Variants in COL19A1 observed in about 807,000 individuals in gnomAD.
The protein encoded by COL19A1 is collagen type XIX alpha 1 chain, also known as collagen alpha-1(XIX) chain.
COL19A1 carries 159 observed loss-of-function variants against 190.2 expected under a neutral mutation model. That is an observed-to-expected ratio of 0.84 (90% CI 0.73 to 0.95). The LOEUF (loss-of-function observed/expected upper bound fraction) is 0.95. Among genes scored for constraint, COL19A1 ranks in the 40% least tolerant of loss-of-function variants. The pLI is 0.00. For missense variants in COL19A1, 1,418 were observed against 1,431.9 expected (o/e 0.99, Z 0.16); for synonymous variants, 509 against 458.9 (o/e 1.11, Z -1.39).
At chr6:69,954,822 C>A (rs917251888) in intron 9 of COL19A1, among the ~76,000 whole-genome samples, 7 of 151,990 alleles carry the variant, frequency 4.6e-5, no homozygotes, top group African/African-American at 1.4e-4. Context: ...AGATAAGTAA[C>A]CAATGGCTTC....
intron 15 of COL19A1, among the ~76,000 whole-genome samples, chr6:70,095,681 CT>C (rs914212596): frequency 1.3e-5 from 2 of 151,998 alleles, no homozygotes; most frequent in African/African-American, 2.4e-5. Context: ...TAAACAACTC[CT>C]TTTTTTTCCT....
chr6:69,894,019 G>A (rs1412547295), intron 2 of COL19A1, among the ~76,000 whole-genome samples: 1 of 149,928 alleles, frequency 6.7e-6, no homozygotes, highest in Non-Finnish European at 1.5e-5. Flanking sequence ...TTTCTTAAAT[G>A]TATTTGATTG....
intron 4 of COL19A1, among the ~76,000 whole-genome samples, chr6:69,904,045 C>T (rs1378465137): frequency 1.3e-5 from 2 of 152,186 alleles, no homozygotes; most frequent in East Asian, 3.8e-4. Flanking sequence ...TGAGGGCTGC[C>T]ATAGCAGTAG....
At chr6:69,883,239 G>T (rs1175534704) in intron 2 of COL19A1, among the ~76,000 whole-genome samples, 2 of 152,212 alleles carry the variant, frequency 1.3e-5, no homozygotes, top group African/African-American at 2.4e-5. Flanking sequence ...ATGCTCCTGA[G>T]AAATGCATCT....
intron 4 of COL19A1, among the ~76,000 whole-genome samples, chr6:69,924,679 T>A (rs2150006580): frequency 6.6e-6 from 1 of 152,364 alleles, no homozygotes; most frequent in Non-Finnish European, 1.5e-5. Flanking sequence ...CCACAATGGT[T>A]GAACTAGTTC....
intron 15 of COL19A1, among the ~76,000 whole-genome samples, chr6:70,091,918 C>G (rs965365745): frequency 4.6e-5 from 7 of 152,046 alleles, no homozygotes; most frequent in African/African-American, 1.7e-4. Context: ...CTTCAGGTGA[C>G]ATTGGATGTT....
At chr6:69,888,148 C>A (rs898459644) in intron 2 of COL19A1, among the ~76,000 whole-genome samples, 1 of 152,134 alleles carries the variant, frequency 6.6e-6, no homozygotes, top group African/African-American at 2.4e-5. Context: ...GTCAGAGGTT[C>A]CAGTTGCATT....
At chr6:69,889,555 G>A (rs1281945371) in intron 2 of COL19A1, among the ~76,000 whole-genome samples, 2 of 152,176 alleles carry the variant, frequency 1.3e-5, no homozygotes, top group African/African-American at 4.8e-5. Flanking sequence ...TGCGCTCTAT[G>A]TCTAGCTAAA....
At chr6:70,125,912 A>G (rs1008737110) in intron 17 of COL19A1, among the ~76,000 whole-genome samples, 9 of 152,174 alleles carry the variant, frequency 5.9e-5, no homozygotes, top group African/African-American at 9.7e-5. Flanking sequence ...GGCTCTGTCA[A>G]CTACTGAAGC....
At chr6:70,194,034 C>A (rs1295084328) in intron 48 of COL19A1, among the ~76,000 whole-genome samples, 1 of 152,212 alleles carries the variant, frequency 6.6e-6, no homozygotes, top group African/African-American at 2.4e-5. Context: ...TAAGTAGCAC[C>A]CGTCTCCTTC....
rs200347735 is a variant in COL19A1, at chr6:70,068,424, G to T, written c.1172G>T (p.Gly391Val). 59 of 1,590,538 alleles carry T rather than the reference G, an allele frequency of 3.7e-5. No individual in the cohort carries two copies. Among genetic ancestry groups the T allele is most frequent in the Non-Finnish European group, 4.7e-5 (55 of 1,159,558 alleles). The change falls in exon 15 of 51, where the codon GGT becomes GTT. Residue 391 changes from glycine to valine, a missense_variant and splice_region_variant. Physicochemically the swap from Gly to Val is moderately radical, Grantham distance 109 (BLOSUM62 -3). Coordinates refer to ENST00000620364, the MANE Select transcript of COL19A1 (RefSeq NM_001858.6). ...ACATGTGTCTCTTTTTCCTCATAGG[G>T]TTCCCTGGGGATACAAGGCCCCCAA... is the stretch of plus-strand genomic sequence containing the variant. ...TGPPGPPALP[G>V]SLGIQGPQGP... is the part of the protein sequence containing the mutation.
intron 44 of COL19A1, 29 bp from the exon 45 acceptor site, chr6:70,184,674 A>C (rs1766393833): frequency 6.4e-7 from 1 of 1,555,406 alleles, no homozygotes. Flanking sequence ...ATGCAGAGTT[A>C]GAAATATTAA....
intron 9 of COL19A1, among the ~76,000 whole-genome samples, chr6:69,955,568 A>AGTGTGTGT (rs1582514913): frequency 2.5e-5 from 3 of 120,564 alleles, no homozygotes; most frequent in African/African-American, 1.0e-4. Context: ...TGTGTGTGTA[A>AGTGTGTGT]GAGAGAGAAA....
chr6:70,059,271 A>G (rs1367332410), intron 14 of COL19A1, among the ~76,000 whole-genome samples: 1 of 152,136 alleles, frequency 6.6e-6, no homozygotes, highest in Non-Finnish European at 1.5e-5. Flanking sequence ...AAGGGAGTGC[A>G]TGTAATACTT....
At chr6:69,927,810 T>C in intron 4 of COL19A1, 99 bp from the exon 5 acceptor site, 1 of 1,403,976 alleles carries the variant, frequency 7.1e-7, no homozygotes, top group East Asian at 2.4e-5. Context: ...CTGAGAAAAA[T>C]ATGACTGAGA....
chr6:70,133,407 G>A (rs1037128991), intron 18 of COL19A1, among the ~76,000 whole-genome samples: 3 of 152,116 alleles, frequency 2.0e-5, no homozygotes, highest in African/African-American at 7.2e-5. Context: ...GGAGAACCAC[G>A]ACTTGCAGTA....
chr6:70,071,809 C>T (rs12206771), intron 15 of COL19A1, among the ~76,000 whole-genome samples: 48,316 of 151,740 alleles, frequency 0.32, 9,747 homozygotes, highest in Non-Finnish European at 0.44. Flanking sequence ...AGAAAAAGGC[C>T]GTACAGAACC....
intron 6 of COL19A1, among the ~76,000 whole-genome samples, chr6:69,931,156 T>C (rs1772735990): frequency 6.6e-6 from 1 of 152,188 alleles, no homozygotes; most frequent in South Asian, 2.1e-4. Context: ...CTGTGTGTTA[T>C]TGAAAAAAAT....
intron 19 of COL19A1, among the ~76,000 whole-genome samples, chr6:70,139,175 C>T (rs758077038): frequency 7.2e-5 from 11 of 152,126 alleles, no homozygotes; most frequent in Non-Finnish European, 1.3e-4. Flanking sequence ...TTGAATCCCA[C>T]TGATTCTAAG....
Sources: gnomAD v4.1 joint callset for allele counts (sites outside exome capture counted in the v4.1 genomes callset) on GRCh38, gnomAD v4.1.1 for gene constraint, MANE v1.5 for transcripts, NCBI Gene and HGNC (gene_info 2026-07-23, HGNC 2026-07-21) for gene names.